The following KCNN2 variants were observed in gnomAD, a reference collection of about 807,000 sequenced individuals.
The protein encoded by KCNN2 is small conductance calcium-activated potassium channel protein 2.
In KCNN2, 24 loss-of-function variants were observed where a neutral mutation model predicts 55.5. The observed-to-expected ratio is 0.43, with a 90% CI of 0.31 to 0.61. KCNN2 has a LOEUF of 0.61. Ranked by LOEUF, KCNN2 falls within the 20% of genes least tolerant of loss-of-function variation. The pLI is 0.08. For missense variants in KCNN2, 754 were observed against 853.6 expected, an observed-to-expected ratio of 0.88 and a Z score of 1.45; for synonymous variants, 431 against 336.1, an observed-to-expected ratio of 1.28 and a Z score of -3.09.
upstream of KCNN2, among the ~76,000 whole-genome samples, chr5:114,358,048 CA>C (rs1371654384): frequency 2.6e-5 from 4 of 151,214 alleles, no homozygotes; most frequent in Admixed American, 6.6e-5. Context: ...CTCTGATGGC[CA>C]GTGATGATGA....
chr5:114,071,592 T>A (rs1750570163), intron 1 of KCNN2, among the ~76,000 whole-genome samples: 1 of 152,160 alleles, frequency 6.6e-6, no homozygotes, highest in Admixed American at 6.5e-5. Flanking sequence ...CAAATAAAAG[T>A]TCATTGATAT....
intron 2 of KCNN2, among the ~76,000 whole-genome samples, chr5:114,288,518 A>ACACACACG (rs1406830166): frequency 6.6e-6 from 1 of 151,598 alleles, no homozygotes; most frequent in African/African-American, 2.4e-5. Context: ...ACACACACAC[A>ACACACACG]CACACACACA....
chr5:114,100,961 C>T (rs1561475885), intron 1 of KCNN2, among the ~76,000 whole-genome samples: 1 of 151,414 alleles, frequency 6.6e-6, no homozygotes, highest in African/African-American at 2.4e-5. Context: ...TTGTAGATCT[C>T]TTTTCAAAAT....
intron 1 of KCNN2, among the ~76,000 whole-genome samples, chr5:114,115,993 A>G (rs1036624555): frequency 1.3e-5 from 2 of 152,162 alleles, no homozygotes; most frequent in Non-Finnish European, 2.9e-5. Flanking sequence ...AGCTGAGAAT[A>G]GAAACTTCTG....
At chr5:114,425,662 A>G (rs1337675676) in intron 3 of KCNN2, among the ~76,000 whole-genome samples, 1 of 152,186 alleles carries the variant, frequency 6.6e-6, no homozygotes, top group Non-Finnish European at 1.5e-5. Context: ...ATTTTTGTCT[A>G]TCTGCAAATC....
upstream of KCNN2, among the ~76,000 whole-genome samples, chr5:114,360,188 C>G (rs952323809): frequency 3.3e-5 from 5 of 152,112 alleles, no homozygotes; most frequent in Non-Finnish European, 7.3e-5. Context: ...GTGCACCCCC[C>G]ACCCCTTTTT....
At chr5:114,366,431 A>G (rs1757604609) in intron 2 of KCNN2, among the ~76,000 whole-genome samples, 1 of 152,098 alleles carries the variant, frequency 6.6e-6, no homozygotes, top group Non-Finnish European at 1.5e-5. Context: ...TAGCTTTTTT[A>G]CTCGGTGTAT....
intron 1 of KCNN2, among the ~76,000 whole-genome samples, chr5:114,168,804 C>G (rs916839477): frequency 3.3e-5 from 5 of 152,030 alleles, no homozygotes; most frequent in African/African-American, 7.2e-5. Flanking sequence ...TTCTGGCCTT[C>G]TAGACCTCCA....
intron 3 of KCNN2, among the ~76,000 whole-genome samples, chr5:114,435,807 A>G (rs1221101587): frequency 6.6e-6 from 1 of 152,236 alleles, no homozygotes; most frequent in Non-Finnish European, 1.5e-5. Flanking sequence ...TTTTACATGA[A>G]TATGAAAACA....
intron 2 of KCNN2, among the ~76,000 whole-genome samples, chr5:114,353,209 T>C (rs1233302058): frequency 6.6e-6 from 1 of 151,792 alleles, no homozygotes; most frequent in East Asian, 1.9e-4. Context: ...GCCACTCCAA[T>C]ACTTATATGG....
At chr5:114,184,744 T>C (rs1264784121) in intron 1 of KCNN2, among the ~76,000 whole-genome samples, 1 of 152,222 alleles carries the variant, frequency 6.6e-6, no homozygotes, top group East Asian at 1.9e-4. Flanking sequence ...TGCCACAATG[T>C]AGGCACTCAA....
At chr5:114,172,842 CAGAT>C (rs1252846561) in intron 1 of KCNN2, among the ~76,000 whole-genome samples, 1 of 151,634 alleles carries the variant, frequency 6.6e-6, no homozygotes, top group Non-Finnish European at 1.5e-5. Flanking sequence ...AATACCTTGT[CAGAT>C]GGGCAGTTTG....
Position 114,397,718 on chromosome 5 carries a change from A to G in KCNN2, c.1219-6720A>G, listed in dbSNP as rs570732847. On this transcript the variant is annotated intron_variant, in intron 2 of 7. Coordinates refer to ENST00000673685, the MANE Select transcript of KCNN2 (RefSeq NM_021614.4). Reference sequence around the variant, plus strand: ...TATTATTTTTTGACTTTGTAATAATAGCCATTCTAACTGGTGTCAGATAGT... The same window carrying G: ...TATTATTTTTTGACTTTGTAATAATGGCCATTCTAACTGGTGTCAGATAGT... Among the ~76,000 whole-genome samples, 137 of 152,252 alleles carry G rather than the reference A, an allele frequency of 9.0e-4. 2 individuals carry two copies. The highest frequency in any genetic ancestry group is 3.1e-3 in the African/African-American group (129 of 41,554).
intron 3 of KCNN2, among the ~76,000 whole-genome samples, chr5:114,406,576 A>G (rs1201626788): frequency 7.2e-6 from 1 of 139,090 alleles, no homozygotes; most frequent in East Asian, 2.0e-4. Context: ...CTCATTTTTT[A>G]TTTGCTTAGT....
intron 1 of KCNN2, among the ~76,000 whole-genome samples, chr5:114,207,434 C>A (rs1438539501): frequency 6.6e-6 from 1 of 152,158 alleles, no homozygotes; most frequent in East Asian, 1.9e-4. Context: ...CATGTATTTT[C>A]TTTGTCCATA....
At chr5:114,269,660 T>A (rs1755283469) in intron 2 of KCNN2, among the ~76,000 whole-genome samples, 1 of 152,196 alleles carries the variant, frequency 6.6e-6, no homozygotes, top group Admixed American at 6.5e-5. Flanking sequence ...CCCAGGTTCA[T>A]CTATGAACTC....
chr5:114,301,027 A>G (rs1192108212), intron 2 of KCNN2, among the ~76,000 whole-genome samples: 1 of 147,404 alleles, frequency 6.8e-6, no homozygotes, highest in Non-Finnish European at 1.5e-5. Flanking sequence ...ATCTTTTCCG[A>G]AAAGTAAAGT....
At chr5:114,066,566 GTTTTTCTTT>G (rs1750455407) in intron 1 of KCNN2, among the ~76,000 whole-genome samples, 1 of 152,210 alleles carries the variant, frequency 6.6e-6, no homozygotes. Context: ...AGATTCAAGT[GTTTTTCTTT>G]TTTTTCTTTT....
chr5:114,420,534 T>C (rs917682453), intron 3 of KCNN2, among the ~76,000 whole-genome samples: 20 of 152,248 alleles, frequency 1.3e-4, no homozygotes, highest in African/African-American at 4.6e-4. Flanking sequence ...GATTTTCTTA[T>C]AGGAGTCTCT....
Sources: allele counts gnomAD v4.1 joint callset (sites outside exome capture counted in the v4.1 genomes callset), GRCh38; gene constraint gnomAD v4.1.1; transcripts MANE v1.5; gene names NCBI Gene and HGNC (gene_info 2026-07-23, HGNC 2026-07-21).